ZNF69: variants seen among roughly 807,000 people sequenced by gnomAD.
ZNF69 encodes zinc finger protein 69.
In ZNF69, 47 loss-of-function variants were observed where a neutral mutation model predicts 50.9. The ratio of observed to expected loss-of-function variants is 0.92; its 90% CI spans 0.73 to 1.18. The LOEUF (loss-of-function observed/expected upper bound fraction) is 1.18. Ranked by LOEUF, ZNF69 falls within the 50% of genes most tolerant of loss-of-function variation. The pLI, the probability that ZNF69 is intolerant of heterozygous loss-of-function variation, is 0.00. For missense variants in ZNF69, 717 were observed against 675.1 expected, an observed-to-expected ratio of 1.06 and a Z score of -0.69; for synonymous variants, 216 against 223.1, an observed-to-expected ratio of 0.97 and a Z score of 0.29.
At chr19:11,921,950 A>C in the ZNF69 span, among the ~76,000 whole-genome samples, 1 of 152,230 alleles carries the variant, frequency 6.6e-6, no homozygotes, top group Non-Finnish European at 1.5e-5. Context: ...AGAAAAGTAA[A>C]AGCTAAGGCC....
the ZNF69 span, among the ~76,000 whole-genome samples, chr19:11,950,935 G>C: frequency 6.6e-6 from 1 of 151,836 alleles, no homozygotes; most frequent in Non-Finnish European, 1.5e-5. Context: ...GGCGGATCAC[G>C]AGGTGAAGAG....
downstream of ZNF69, among the ~76,000 whole-genome samples, chr19:11,908,336 C>T (rs1441847208): frequency 6.6e-6 from 1 of 152,060 alleles, no homozygotes; most frequent in Non-Finnish European, 1.5e-5. Flanking sequence ...TAGACATCTA[C>T]AGAACTCTCC....
At chr19:11,978,594 G>A in the ZNF69 span, 1 of 1,614,180 alleles carries the variant, frequency 6.2e-7, no homozygotes, top group Non-Finnish European at 8.5e-7. Flanking sequence ...AACTCACACT[G>A]GAGAGAAACC....
chr19:11,931,281 C>T, the ZNF69 span, among the ~76,000 whole-genome samples: 1 of 147,850 alleles, frequency 6.8e-6, no homozygotes, highest in Non-Finnish European at 1.5e-5. Context: ...CCAGCAAGGG[C>T]CCGCTTCCTG....
chr19:11,925,664 T>A, the ZNF69 span, among the ~76,000 whole-genome samples: 9 of 152,212 alleles, frequency 5.9e-5, no homozygotes, highest in African/African-American at 2.2e-4. Context: ...CACTTTCTCC[T>A]GTTAAAAATT....
chr19:11,951,165 A>G, the ZNF69 span, among the ~76,000 whole-genome samples: 35 of 150,410 alleles, frequency 2.3e-4, no homozygotes, highest in East Asian at 1.7e-3. Flanking sequence ...AAAAAAAAAA[A>G]AAAGAAAGAA....
At chr19:11,947,337 G>C in the ZNF69 span, 2 of 1,612,612 alleles carry the variant, frequency 1.2e-6, no homozygotes, top group Non-Finnish European at 1.7e-6. Context: ...TTCCGTCAGT[G>C]CATTAGCAAA....
At chr19:11,969,876 C>G in the ZNF69 span, among the ~76,000 whole-genome samples, 1 of 152,198 alleles carries the variant, frequency 6.6e-6, no homozygotes, top group Non-Finnish European at 1.5e-5. Context: ...AGGTTCCTTT[C>G]TGGAAACTTT....
intron 1 of ZNF69, among the ~76,000 whole-genome samples, chr19:11,897,507 C>A (rs148087550): frequency 6.7e-6 from 1 of 148,470 alleles, no homozygotes; most frequent in East Asian, 2.0e-4. Context: ...CCTAAGAGTT[C>A]GAGGCTGCAG....
At chr19:11,929,871 C>T in the ZNF69 span, among the ~76,000 whole-genome samples, 1 of 148,434 alleles carries the variant, frequency 6.7e-6, no homozygotes, top group Non-Finnish European at 1.5e-5. Context: ...TTCTGCCTCT[C>T]CTCCTTTTAT....
the ZNF69 span, among the ~76,000 whole-genome samples, chr19:11,952,170 A>G: frequency 6.7e-6 from 1 of 149,352 alleles, no homozygotes; most frequent in African/African-American, 2.5e-5. Flanking sequence ...CAAGAGTGAA[A>G]CTCCATCTCA....
the ZNF69 span, chr19:11,948,736 C>G: frequency 3.1e-6 from 5 of 1,612,764 alleles, no homozygotes; most frequent in Non-Finnish European, 4.2e-6. Context: ...CAGTTTATAT[C>G]TTATCCATGA....
chr19:11,890,340 C>T (rs1448309550), intron 1 of ZNF69, among the ~76,000 whole-genome samples: 1 of 152,174 alleles, frequency 6.6e-6, no homozygotes, highest in Non-Finnish European at 1.5e-5. Context: ...CCCTGGTTAA[C>T]CGAGAATGGA....
chr19:11,937,549 C>T, the ZNF69 span, among the ~76,000 whole-genome samples: 2 of 147,094 alleles, frequency 1.4e-5, no homozygotes, highest in African/African-American at 2.5e-5. Flanking sequence ...AGTGCAGTGG[C>T]GCCATCTCGG....
the ZNF69 span, among the ~76,000 whole-genome samples, chr19:11,927,963 T>A: frequency 6.6e-6 from 1 of 151,656 alleles, no homozygotes; most frequent in African/African-American, 2.4e-5. Flanking sequence ...GTAACAGGAT[T>A]ATGTTTTCCA....
chr19:11,917,651 A>G (rs1370742768), downstream of ZNF69, among the ~76,000 whole-genome samples: 1 of 98,470 alleles, frequency 1.0e-5, no homozygotes, highest in Non-Finnish European at 2.1e-5. Flanking sequence ...TTGTTTGTCT[A>G]TTTTTCAGAT....
At chr19:11,919,742 G>A in the ZNF69 span, among the ~76,000 whole-genome samples, 4 of 152,136 alleles carry the variant, frequency 2.6e-5, no homozygotes, top group Non-Finnish European at 5.9e-5. Context: ...CAGCATGTGA[G>A]GACACAGCAA....
the ZNF69 span, among the ~76,000 whole-genome samples, chr19:11,934,651 A>G: frequency 0.11 from 16,825 of 146,740 alleles, 3,436 homozygotes; most frequent in African/African-American, 0.33. Context: ...CTCAGCCTCC[A>G]GAGTGTCTGG....
At chr19:11,947,192 C>T in the ZNF69 span, 1 of 1,613,792 alleles carries the variant, frequency 6.2e-7, no homozygotes, top group Non-Finnish European at 8.5e-7. Context: ...ACCCAGTGGC[C>T]TTTGAGGATG....
Sources: allele counts gnomAD v4.1 joint callset (sites outside exome capture counted in the v4.1 genomes callset), GRCh38; gene constraint gnomAD v4.1.1; transcripts MANE v1.5; gene names NCBI Gene and HGNC (gene_info 2026-07-23, HGNC 2026-07-21).